NPHS1: variants seen among roughly 807,000 people sequenced by gnomAD.
NPHS1 encodes nephrin.
NPHS1 carries 107 observed loss-of-function variants against 139.7 expected under a neutral mutation model. That is an observed-to-expected ratio of 0.77 (90% CI 0.66 to 0.90). The LOEUF is 0.90. Among genes scored for constraint, NPHS1 ranks in the 40% least tolerant of loss-of-function variants. The probability of loss-of-function intolerance (pLI) is 0.00; values close to 1 mark genes in which losing one functional copy is unlikely to be tolerated. For synonymous variants in NPHS1, 707 were observed against 706.6 expected, an observed-to-expected ratio of 1.00 and a Z score of -0.01; for missense variants, 1,580 against 1,654.2, an observed-to-expected ratio of 0.96 and a Z score of 0.78.
At position 35,852,035 on chromosome 19, in the gene NPHS1, A is replaced by G. The variant is rs1568458131; in HGVS notation, c.-198T>C. Reference sequence around the variant, plus strand: ...TCTCTCTGTCTTGCTCTCAGTCTCAATCTCTGAGTCTCTTTCTCTGTCTCT... The same window carrying G: ...TCTCTCTGTCTTGCTCTCAGTCTCAGTCTCTGAGTCTCTTTCTCTGTCTCT... On this transcript the variant is annotated 5_prime_UTR_variant, in exon 1 of 29. Coordinates refer to ENST00000378910, the MANE Select transcript of NPHS1 (RefSeq NM_004646.4). 6.9e-6 allele frequency among the ~76,000 whole-genome samples: 1 copy of G among 145,050 alleles called. No individual in the cohort carries two copies. Among genetic ancestry groups the G allele is most frequent in the African/African-American group, 2.6e-5 (1 of 39,076 alleles).
At chr19:35,834,263 G>T (rs1972924146) in intron 23 of NPHS1, among the ~76,000 whole-genome samples, 4 of 152,066 alleles carry the variant, frequency 2.6e-5, no homozygotes, top group Admixed American at 2.0e-4. Flanking sequence ...AAGTCAAGAA[G>T]AGACACGCGC....
chr19:35,848,891 C>T, intron 8 of NPHS1, 85 bp downstream of exon 8: 2 of 1,610,530 alleles, frequency 1.2e-6, no homozygotes, highest in Admixed American at 1.7e-5. Flanking sequence ...AGATCTTTGG[C>T]ATCCAGTAGG....
At chr19:35,841,595 A>G in intron 20 of NPHS1, 120 bp downstream of exon 20, 6 of 1,185,832 alleles carry the variant, frequency 5.1e-6, no homozygotes, top group Non-Finnish European at 7.4e-6. Context: ...CAAAAACTCC[A>G]TCCTCACACA....
rs540849495 is a variant in NPHS1, at chr19:35,833,064, T to G, written c.3167-1302A>C. Among the ~76,000 whole-genome samples the G allele has an allele frequency of 4.6e-3, 686 of 150,758 alleles. 5 individuals carry two copies. The highest frequency in any genetic ancestry group is 7.4e-3 in the South Asian group (35 of 4,732). On this transcript the variant is annotated intron_variant, in intron 23 of 28. Coordinates refer to ENST00000378910, the MANE Select transcript of NPHS1 (RefSeq NM_004646.4). ...CACACCCGGCTAATTTTTTTTTTTTTTGTATTTTTAATAGAGACGGAGTTT... is the reference window on the plus strand; with the variant it reads ...CACACCCGGCTAATTTTTTTTTTTTGTGTATTTTTAATAGAGACGGAGTTT...
In NPHS1 at chr19:35,845,035, A is replaced by T. The variant is rs910760493; in HGVS notation, c.1930+333T>A. Among the ~76,000 whole-genome samples, 5 of 152,236 alleles carry T rather than the reference A, an allele frequency of 3.3e-5. No individual in the cohort carries two copies. Among genetic ancestry groups the T allele is most frequent in the African/African-American group, 1.2e-4 (5 of 41,460 alleles). On this transcript the variant is annotated intron_variant, in intron 14 of 28. Transcript: ENST00000378910. This position sits in a 1 kb window ranked among gnomAD's most constrained non-coding sequence, Gnocchi z 5.5. Reference sequence around the variant, plus strand: ...GTAATCCCAGCACTTTGAGAGGCCAACGCAGGAGAACTGCTTGAGCCCAGG... The same window carrying T: ...GTAATCCCAGCACTTTGAGAGGCCATCGCAGGAGAACTGCTTGAGCCCAGG...
intron 28 of NPHS1, 79 bp downstream of exon 28, chr19:35,830,765 G>T (rs1214325474): frequency 3.4e-6 from 3 of 888,838 alleles, no homozygotes; most frequent in Non-Finnish European, 5.8e-6. Context: ...CAGCTAGCTG[G>T]CCCTAACTAA....
At position 35,852,070 on chromosome 19, in the gene NPHS1, C is replaced by CTTTTTTTTCTTTTTTCTT. The variant is rs1973281510; in HGVS notation, c.-251_-234dup. 6.7e-6 allele frequency among the ~76,000 whole-genome samples: 1 copy of CTTTTTTTTCTTTTTTCTT among 150,338 alleles called. No individual in the cohort carries two copies. The highest frequency in any genetic ancestry group is 1.5e-5 in the Non-Finnish European group (1 of 67,578). On this transcript the variant is annotated 5_prime_UTR_variant, in exon 1 of 29. Coordinates refer to ENST00000378910, the MANE Select transcript of NPHS1 (RefSeq NM_004646.4). ...CTCTTTCTCTGTCTCTTTAAAAAAA[C>CTTTTTTTTCTTTTTTCTT]TTTTTTTTCTTTTTTCTTTTTTTTT...
At chr19:35,837,026 A>AAAAGAAAGAAAG (rs201666209) in intron 22 of NPHS1, among the ~76,000 whole-genome samples, 3,030 of 131,848 alleles carry the variant, frequency 0.023, 45 homozygotes, top group Non-Finnish European at 0.028. Flanking sequence ...AAAAGAAAAG[A>AAAAGAAAGAAAG]AAAGAAAGAA....
At position 35,844,404 on chromosome 19, in the gene NPHS1, G is replaced by T; in HGVS notation, c.1986C>A (p.Gly662=). The stretch of plus-strand genomic sequence containing the variant: ...ACACGGACACGGGCAGCAACGCCTC[G>T]CCCTGCTCCACCGCGGTCACCACCA... ...QVLVVTAVEQ[G]EALLPVSVSA... Residue 662 remains glycine, a synonymous_variant, in exon 15 of 29, where the codon GGC becomes GGA. Coordinates refer to ENST00000378910, the MANE Select transcript of NPHS1 (RefSeq NM_004646.4). The T allele has an allele frequency of 1.2e-6, 2 of 1,609,048 alleles. No homozygotes were observed. Among genetic ancestry groups the T allele is most frequent in the South Asian group, 1.1e-5 (1 of 90,260 alleles).
chr19:35,826,242 C>A lies in NPHS1; in HGVS notation c.*272G>T, dbSNP rs550845716. Reference sequence around the variant, plus strand: ...GATTATAGGCGTGAGTCACCGCACCCGGCAGCATTTCATTTTTGAGACGAC... The same window carrying A: ...GATTATAGGCGTGAGTCACCGCACCAGGCAGCATTTCATTTTTGAGACGAC... On this transcript the variant is annotated 3_prime_UTR_variant, in exon 29 of 29. Coordinates refer to ENST00000378910, the MANE Select transcript of NPHS1 (RefSeq NM_004646.4). 2.4e-4 allele frequency: 101 copies of A among 427,934 alleles called. 5 individuals are homozygous for A. The highest frequency in any genetic ancestry group is 2.2e-3 in the South Asian group (100 of 45,236). The allele number at this position is 427,934 out of a possible 1,614,324, so 26.5% of individuals were successfully genotyped here.
intron 23 of NPHS1, among the ~76,000 whole-genome samples, chr19:35,834,909 A>T (rs1345328345): frequency 3.3e-5 from 5 of 151,226 alleles, no homozygotes; most frequent in Non-Finnish European, 4.4e-5. Context: ...AAAATAAAAA[A>T]AAAAAATGCC....
At chr19:35,846,742 TATA>T (rs1218495441) in intron 11 of NPHS1, among the ~76,000 whole-genome samples, 2 of 152,238 alleles carry the variant, frequency 1.3e-5, no homozygotes, top group East Asian at 1.9e-4. Context: ...TTCCCGATAT[TATA>T]ATATCTTATG....
intron 23 of NPHS1, among the ~76,000 whole-genome samples, 177 bp from the exon 24 acceptor site, chr19:35,831,939 T>G (rs1198726396): frequency 6.6e-6 from 1 of 152,176 alleles, no homozygotes; most frequent in East Asian, 1.9e-4. Flanking sequence ...GCTTCTTTCT[T>G]AAGTCAAGCC....
At chr19:35,839,163 T>G in intron 22 of NPHS1, 74 bp downstream of exon 22, 1 of 1,397,798 alleles carries the variant, frequency 7.2e-7, no homozygotes, top group South Asian at 1.2e-5. Context: ...AAAAGGGGAA[T>G]AGTATTGACT....
At chr19:35,835,216 A>AG (rs981247152) in intron 23 of NPHS1, among the ~76,000 whole-genome samples, 5 of 147,974 alleles carry the variant, frequency 3.4e-5, no homozygotes, top group African/African-American at 1.3e-4. Context: ...AAAAAAAAAA[A>AG]AAAGAAAGAA....
rs537915270 is a variant in NPHS1, at chr19:35,841,634, G to A, written c.2815+81C>T. The A allele has an allele frequency of 5.2e-6, 8 of 1,543,514 alleles. 1 individual carries two copies. The highest frequency in any genetic ancestry group is 1.7e-4 in the Middle Eastern group (1 of 5,814). On this transcript the variant is annotated intron_variant, in intron 20 of 28. Coordinates refer to ENST00000378910, the MANE Select transcript of NPHS1 (RefSeq NM_004646.4). ...ACAGAACTTCCGGTTTCAGAAACAT[G>A]GGCAGCCCAGGGCCAATCAGGGATG...
rs768307860 is a variant in NPHS1 at position 35,851,093 on chromosome 19, G to A, written c.398-4C>T. 2 of 1,614,202 alleles carry A rather than the reference G, an allele frequency of 1.2e-6. No individual in the cohort carries two copies. The highest frequency in any genetic ancestry group is 8.5e-7 in the Non-Finnish European group (1 of 1,180,038). ...AGCAGGAGCAGCTTGGGAGGAACTG[G>A]TGAGAGAAGGGTCTGGGGTAAGCTT... is the stretch of plus-strand genomic sequence containing the variant. On this transcript the variant is annotated splice_polypyrimidine_tract_variant and splice_region_variant and intron_variant, in intron 3 of 28. Coordinates refer to ENST00000378910, the MANE Select transcript of NPHS1 (RefSeq NM_004646.4).
intron 11 of NPHS1, among the ~76,000 whole-genome samples, chr19:35,846,502 C>A (rs1476289467): frequency 6.6e-6 from 1 of 152,198 alleles, no homozygotes; most frequent in Non-Finnish European, 1.5e-5. Flanking sequence ...AGGCTCTCAG[C>A]GCACTCCTCA....
At chr19:35,837,074 AAT>A (rs1342419562) in intron 22 of NPHS1, among the ~76,000 whole-genome samples, 5 of 121,258 alleles carry the variant, frequency 4.1e-5, no homozygotes, top group Admixed American at 2.6e-4. Context: ...AAGAAAGAAA[AAT>A]AAACTGAGCC....
Sources: allele counts gnomAD v4.1 joint callset (sites outside exome capture counted in the v4.1 genomes callset), GRCh38; gene constraint gnomAD v4.1.1; non-coding constraint Gnocchi (gnomAD v3.1); transcripts MANE v1.5; gene names NCBI Gene and HGNC (gene_info 2026-07-23, HGNC 2026-07-21).